TOMM70: variants seen among roughly 807,000 people sequenced by gnomAD.
TOMM70 encodes mitochondrial import receptor subunit TOM70.
In TOMM70, 13 loss-of-function variants were observed where a neutral mutation model predicts 73.6. That is an observed-to-expected ratio of 0.18 (90% CI 0.11 to 0.28). TOMM70 has a LOEUF of 0.28. TOMM70 is among the 10% of genes least tolerant of loss of function. The pLI is 1.00. For synonymous variants in TOMM70, 257 were observed against 271.2 expected, an observed-to-expected ratio of 0.95 and a Z score of 0.51; for missense variants, 609 against 747.5, an observed-to-expected ratio of 0.81 and a Z score of 2.16.
intron 7 of TOMM70, 38 bp from the exon 8 acceptor site, chr3:100,373,683 G>GGTGCA: frequency 7.6e-7 from 1 of 1,315,354 alleles, no homozygotes. Flanking sequence ...AATTCAACTA[G>GGTGCA]TCCAGTTAAG....
intron 7 of TOMM70, 138 bp from the exon 8 acceptor site, chr3:100,373,783 G>C: frequency 1.9e-6 from 1 of 518,338 alleles, no homozygotes; most frequent in South Asian, 3.2e-5. Flanking sequence ...TCTAGAAACA[G>C]TGATTTAAAA....
rs114704010 is a variant in TOMM70, at chr3:100,382,748, C to T, written c.736-985G>A. On this transcript the variant is annotated intron_variant, in intron 4 of 11. Transcript: ENST00000284320. ...AATGAAGCTATCACCTCCCTGCCTT[C>T]CATACAGGGTTATAAATTTAAAGTG... Among the ~76,000 whole-genome samples, 442 of 152,256 alleles carry T rather than the reference C, an allele frequency of 2.9e-3. 1 individual carries two copies. Among genetic ancestry groups the T allele is most frequent in the African/African-American group, 9.7e-3 (405 of 41,548 alleles).
At chr3:100,398,594 C>T (rs1375902358) in intron 1 of TOMM70, among the ~76,000 whole-genome samples, 1 of 152,108 alleles carries the variant, frequency 6.6e-6, no homozygotes, top group Non-Finnish European at 1.5e-5. Context: ...AAATAATCCT[C>T]TTGATAACTA....
chr3:100,378,993 C>G (rs938690933), intron 5 of TOMM70, among the ~76,000 whole-genome samples: 1 of 150,216 alleles, frequency 6.7e-6, no homozygotes, highest in Admixed American at 6.6e-5. Flanking sequence ...GGCGACAGAG[C>G]GAGACTCCGT....
chr3:100,370,382 T>C (rs1457550654), intron 9 of TOMM70, among the ~76,000 whole-genome samples: 1 of 152,210 alleles, frequency 6.6e-6, no homozygotes, highest in Non-Finnish European at 1.5e-5. Flanking sequence ...ATTAAGTGAG[T>C]GTACCACAAT....
At chr3:100,391,133 T>G (rs1404739610) in intron 1 of TOMM70, among the ~76,000 whole-genome samples, 1 of 151,824 alleles carries the variant, frequency 6.6e-6, no homozygotes, top group East Asian at 1.9e-4. Flanking sequence ...AGAGTAAGAC[T>G]CCGTCTCAAA....
intron 1 of TOMM70, among the ~76,000 whole-genome samples, chr3:100,398,730 A>C (rs534773070): frequency 6.6e-6 from 1 of 152,362 alleles, no homozygotes; most frequent in Admixed American, 6.5e-5. Flanking sequence ...CGCTAAGGTC[A>C]AGGAGACAAA....
intron 1 of TOMM70, among the ~76,000 whole-genome samples, chr3:100,387,599 G>GACAGACACACAC (rs1706706718): frequency 8.5e-6 from 1 of 118,188 alleles, no homozygotes; most frequent in African/African-American, 3.2e-5. Context: ...CACAGACACA[G>GACAGACACACAC]ACACACACAC....
At chr3:100,366,356 T>C (rs773843799) in intron 11 of TOMM70, among the ~76,000 whole-genome samples, 1 of 152,234 alleles carries the variant, frequency 6.6e-6, no homozygotes, top group Non-Finnish European at 1.5e-5. Flanking sequence ...TTTAAGTAAC[T>C]AGTATTAGCT....
intron 3 of TOMM70, 130 bp downstream of exon 3, chr3:100,386,088 T>C: frequency 1.0e-6 from 1 of 986,586 alleles, no homozygotes; most frequent in Non-Finnish European, 1.5e-6. Context: ...GAAGACACAA[T>C]CTTAAGTGCA....
Position 100,387,599 on chromosome 3 carries a change from G to GACACAGACACAC in TOMM70, c.325-622_325-621insGTGTGTCTGTGT, listed in dbSNP as rs796319693. On this transcript the variant is annotated intron_variant, in intron 1 of 11. Transcript: ENST00000284320. ...GCTAAAAGACACAGACACAGACACA[G>GACACAGACACAC]ACACACACACACACACACACACACA... 1.6e-4 allele frequency among the ~76,000 whole-genome samples: 19 copies of GACACAGACACAC among 118,216 alleles called. 1 individual carries two copies. Among genetic ancestry groups the GACACAGACACAC allele is most frequent in the East Asian group, 1.4e-3 (6 of 4,280 alleles). 77.6% of individuals were successfully genotyped at this position (118,216 alleles called of 152,430 possible).
intron 5 of TOMM70, among the ~76,000 whole-genome samples, chr3:100,380,418 A>G (rs1382472960): frequency 1.3e-5 from 2 of 152,226 alleles, no homozygotes; most frequent in African/African-American, 4.8e-5. Context: ...ACTGAAGAAC[A>G]TAAGTGCTAG....
chr3:100,374,240 T>C (rs1706540273), intron 7 of TOMM70, among the ~76,000 whole-genome samples: 1 of 152,228 alleles, frequency 6.6e-6, no homozygotes, highest in African/African-American at 2.4e-5. Context: ...TATAGTAACA[T>C]GCTATACACG....
chr3:100,399,453 T>C (rs1317486320), intron 1 of TOMM70, among the ~76,000 whole-genome samples: 3 of 152,180 alleles, frequency 2.0e-5, no homozygotes, highest in Non-Finnish European at 4.4e-5. Flanking sequence ...ACTCTGGTAC[T>C]ACCATTGAAC....
At chr3:100,390,668 A>G (rs1459356622) in intron 1 of TOMM70, among the ~76,000 whole-genome samples, 2 of 152,156 alleles carry the variant, frequency 1.3e-5, no homozygotes, top group Non-Finnish European at 2.9e-5. Flanking sequence ...GTCCACTAAA[A>G]ATACAAAACA....
intron 8 of TOMM70, 152 bp downstream of exon 8, chr3:100,373,386 A>C: frequency 1.8e-6 from 1 of 550,032 alleles, no homozygotes; most frequent in East Asian, 3.3e-5. Context: ...GAAATACAAG[A>C]GCTAGGTATC....
chr3:100,380,807 C>G (rs1354039464), intron 5 of TOMM70, among the ~76,000 whole-genome samples: 2 of 152,138 alleles, frequency 1.3e-5, no homozygotes, highest in East Asian at 3.9e-4. Flanking sequence ...ACAGTATCTT[C>G]TCTTAAAAGG....
At chr3:100,378,686 G>C (rs1323447906) in intron 5 of TOMM70, among the ~76,000 whole-genome samples, 2 of 152,310 alleles carry the variant, frequency 1.3e-5, no homozygotes, top group South Asian at 2.1e-4. Flanking sequence ...GCTAAGGCAA[G>C]GGGTGTGAGC....
Position 100,364,680 on chromosome 3 carries a change from C to T in TOMM70, c.*884G>A, listed in dbSNP as rs1159866531. On this transcript the variant is annotated 3_prime_UTR_variant, in exon 12 of 12. Transcript: ENST00000284320. Reference sequence around the variant, plus strand: ...CTGGTCTCAAGCCTCTTGCCTCAGCCTCCCTAGTAGCTGAGACTATAAATA... The same window carrying T: ...CTGGTCTCAAGCCTCTTGCCTCAGCTTCCCTAGTAGCTGAGACTATAAATA... 6.6e-6 allele frequency: 1 copy of T among 152,140 alleles called. No individual in the cohort carries two copies. Among genetic ancestry groups the T allele is most frequent in the Non-Finnish European group, 1.5e-5 (1 of 68,046 alleles). 9.4% of individuals were successfully genotyped at this position (152,140 alleles called of 1,614,324 possible).
Sources: gnomAD v4.1 joint callset for allele counts (sites outside exome capture counted in the v4.1 genomes callset) on GRCh38, gnomAD v4.1.1 for gene constraint, MANE v1.5 for transcripts, NCBI Gene and HGNC (gene_info 2026-07-23, HGNC 2026-07-21) for gene names.